TBCD: variants seen among roughly 807,000 people sequenced by gnomAD.
The protein encoded by TBCD is tubulin folding cofactor D.
In TBCD, 105 loss-of-function variants were observed where a neutral mutation model predicts 169.3. The ratio of observed to expected loss-of-function variants is 0.62; its 90% CI spans 0.53 to 0.73. The LOEUF (loss-of-function observed/expected upper bound fraction) is 0.73. TBCD is among the 30% of genes least tolerant of loss of function. The pLI, the probability that TBCD is intolerant of heterozygous loss-of-function variation, is 0.00. For synonymous variants in TBCD, 700 were observed against 643.9 expected, an observed-to-expected ratio of 1.09 and a Z score of -1.32; for missense variants, 1,444 against 1,600.1, an observed-to-expected ratio of 0.90 and a Z score of 1.66.
intron 35 of TBCD, 58 bp from the exon 36 acceptor site, chr17:82,937,991 G>C: frequency 6.2e-7 from 1 of 1,600,494 alleles, no homozygotes; most frequent in Non-Finnish European, 8.5e-7. Flanking sequence ...TCCGGGGTTT[G>C]CTGGGGTTGG....
At chr17:82,869,089 T>G (rs56353584) in intron 13 of TBCD, among the ~76,000 whole-genome samples, 90,803 of 151,610 alleles carry the variant, frequency 0.6, 27,224 homozygotes, top group East Asian at 0.71. Flanking sequence ...CTGGGGAGGC[T>G]GAGCTGGGTT....
Position 82,945,233 on chromosome 17 carries a change from G to A in TBCD, c.*2770G>A, listed in dbSNP as rs1219949721. The A allele has an allele frequency of 2.0e-5, 3 of 152,228 alleles. No homozygotes were observed. The highest frequency in any genetic ancestry group is 6.5e-5 in the Admixed American group (1 of 15,286). The allele number at this position is 152,228 out of a possible 1,614,324, so 9.4% of individuals were successfully genotyped here. On this transcript the variant is annotated 3_prime_UTR_variant, in exon 39 of 39. Transcript: ENST00000355528. ...AGAGAATTAGAAAACTGGAAGATCT[G>A]AAAACATTATCCAGAGAACTGGAAG...
chr17:82,829,404 T>G (rs1347735195), intron 13 of TBCD: 1 of 143,852 alleles, frequency 7.0e-6, no homozygotes, highest in East Asian at 2.1e-4. Flanking sequence ...CTATCAGCTC[T>G]TTTTCATTGA....
intron 13 of TBCD, among the ~76,000 whole-genome samples, chr17:82,863,239 C>A (rs2056911634): frequency 6.6e-6 from 1 of 152,168 alleles, no homozygotes; most frequent in African/African-American, 2.4e-5. Flanking sequence ...TGGCTGCAGG[C>A]TGGGTGGCAG....
chr17:82,937,635 C>T (rs1020079050), intron 35 of TBCD: 13 of 599,636 alleles, frequency 2.2e-5, no homozygotes, highest in South Asian at 2.1e-4. Context: ...AAAGGAGCTG[C>T]GTGGTCAGGG....
At chr17:82,752,552 C>T (rs938973715) in intron 1 of TBCD, among the ~76,000 whole-genome samples, 175 bp downstream of exon 1, 5 of 152,052 alleles carry the variant, frequency 3.3e-5, no homozygotes. Context: ...GAGAGGGCCA[C>T]CCCGGCGCGG....
In TBCD at chr17:82,767,042, C is replaced by T. The variant is rs536543043; in HGVS notation, c.435+674C>T. Among the ~76,000 whole-genome samples the T allele has an allele frequency of 2.6e-5, 4 of 152,348 alleles. No homozygotes were observed. In the East Asian group the frequency reaches 5.8e-4, roughly 22 times the overall value. On this transcript the variant is annotated intron_variant, in intron 4 of 38. Coordinates refer to ENST00000355528, the MANE Select transcript of TBCD (RefSeq NM_005993.5). ...AAAGCAGGTGCCAGCGTAAAGCACACGGTTTGTGCAGATTGAGCCAGCGAG... is the reference window on the plus strand; with the variant it reads ...AAAGCAGGTGCCAGCGTAAAGCACATGGTTTGTGCAGATTGAGCCAGCGAG...
chr17:82,932,674 C>G lies in TBCD; in HGVS notation c.3130C>G (p.Leu1044Val). 1 of 1,613,706 alleles carries G rather than the reference C, an allele frequency of 6.2e-7. No individual in the cohort carries two copies. Reference protein sequence around the residue: ...LLNERVSVPLLKTLDHVLTHG... With the variant: ...LLNERVSVPLVKTLDHVLTHG... ...TCCCCTCAGGGTGTCCGTGCCGCTG[C>G]TGAAGACGCTGGACCACGTGCTCAC... is the stretch of plus-strand genomic sequence containing the variant. The change falls in exon 34 of 39, where the codon CTG becomes GTG. Residue 1044 changes from leucine (L) to valine (V), a missense_variant. Transcript: ENST00000355528.
At chr17:82,758,383 G>C (rs1487517567) in intron 2 of TBCD, among the ~76,000 whole-genome samples, 1 of 640 alleles carries the variant, frequency 1.6e-3, no homozygotes, top group Admixed American at 0.016. Context: ...AAAACGTCTC[G>C]GAAAAAAAAA....
intron 17 of TBCD, 89 bp from the exon 18 acceptor site, chr17:82,900,562 T>G (rs1372786281): frequency 9.6e-7 from 1 of 1,040,154 alleles, no homozygotes; most frequent in Non-Finnish European, 1.5e-6. Context: ...GCAAACTGGT[T>G]TTGAAAGTAA....
intron 7 of TBCD, chr17:82,795,470 T>C: frequency 1.1e-6 from 1 of 948,804 alleles, no homozygotes; most frequent in Non-Finnish European, 1.3e-6. Context: ...ACTGGGGTTT[T>C]CCAGCAGCCT....
chr17:82,811,258 C>T (rs1007796305), intron 12 of TBCD, among the ~76,000 whole-genome samples: 8 of 152,208 alleles, frequency 5.3e-5, no homozygotes, highest in Non-Finnish European at 8.8e-5. Context: ...TGGACTTTGC[C>T]TCTCTCCTCC....
chr17:82,850,453 C>CTGTTGGCTGTGCTGT (rs1257673638), intron 13 of TBCD, among the ~76,000 whole-genome samples: 117 of 132,270 alleles, frequency 8.8e-4, no homozygotes, highest in East Asian at 3.4e-3. Flanking sequence ...TGCTGTTTTG[C>CTGTTGGCTGTGCTGT]TGTTGGCTGT....
intron 13 of TBCD, among the ~76,000 whole-genome samples, chr17:82,867,043 C>G (rs2057221804): frequency 6.6e-6 from 1 of 152,240 alleles, no homozygotes; most frequent in South Asian, 2.1e-4. Context: ...GTGGCTGATT[C>G]ATCCCAGCAG....
intron 7 of TBCD, among the ~76,000 whole-genome samples, chr17:82,784,733 T>C (rs2049180761): frequency 6.6e-6 from 1 of 152,164 alleles, no homozygotes; most frequent in African/African-American, 2.4e-5. Context: ...GCCTCCCACA[T>C]GACCAAGGAC....
rs2048995772 is a variant in TBCD, at chr17:82,782,242, T to A, written c.771+521T>A. On this transcript the variant is annotated intron_variant, in intron 7 of 38. Coordinates refer to ENST00000355528, the MANE Select transcript of TBCD (RefSeq NM_005993.5). The surrounding 1 kb of genome is among the most constrained non-coding windows in gnomAD (Gnocchi z 5.1). The stretch of plus-strand genomic sequence containing the variant: ...CCTTTCGCTCTGATTGTCTCTTGTG[T>A]TACCTTTTCTTGTGCTAACGAGGAG... 6.6e-6 allele frequency among the ~76,000 whole-genome samples: 1 copy of A among 152,188 alleles called. No homozygotes were observed. Among genetic ancestry groups the A allele is most frequent in the South Asian group, 2.1e-4 (1 of 4,836 alleles).
chr17:82,924,865 G>C, intron 26 of TBCD, 74 bp from the exon 27 acceptor site: 1 of 1,230,920 alleles, frequency 8.1e-7, no homozygotes, highest in East Asian at 2.6e-5. Flanking sequence ...GCTCCTGTTT[G>C]GGGCACACGT....
intron 17 of TBCD, among the ~76,000 whole-genome samples, chr17:82,900,100 C>G (rs1259652600): frequency 2.0e-5 from 3 of 152,244 alleles, no homozygotes; most frequent in African/African-American, 7.2e-5. Context: ...CTGGCACACA[C>G]TAACCAGAGC....
rs1264008618 is a variant in TBCD at position 82,920,698 on chromosome 17, T to TG, written c.2101+85dup. The TG allele has an allele frequency of 1.6e-6, 2 of 1,234,994 alleles. No homozygotes were observed. The highest frequency in any genetic ancestry group is 4.8e-5 in the Admixed American group (2 of 41,784). The allele number at this position is 1,234,994 out of a possible 1,614,324, so 76.5% of individuals were successfully genotyped here. ...AAAGGTAAAAATGAACCTGTTAGGA[T>TG]GGGGGCGATAAACGATTATAGCTTA... On this transcript the variant is annotated intron_variant, in intron 24 of 38. Coordinates refer to ENST00000355528, the MANE Select transcript of TBCD (RefSeq NM_005993.5). This position sits in a 1 kb window ranked among gnomAD's most constrained non-coding sequence, Gnocchi z 4.1.
Sources: gnomAD v4.1 joint callset for allele counts (sites outside exome capture counted in the v4.1 genomes callset) on GRCh38, gnomAD v4.1.1 for gene constraint, Gnocchi (gnomAD v3.1) non-coding constraint, MANE v1.5 for transcripts, NCBI Gene and HGNC (gene_info 2026-07-23, HGNC 2026-07-21) for gene names.